Variants in DGKI observed in about 807,000 individuals in gnomAD.
DGKI encodes the protein DAG kinase iota.
A neutral mutation model predicts 147.5 loss-of-function variants in DGKI; 55 were observed. That is an observed-to-expected ratio of 0.37 (90% CI 0.30 to 0.47). DGKI has a LOEUF of 0.47. Among genes scored for constraint, DGKI ranks in the 20% least tolerant of loss-of-function variants. DGKI has a pLI of 1.00. For missense variants in DGKI, 1,007 were observed against 1,323.8 expected, an observed-to-expected ratio of 0.76 and a Z score of 3.71; for synonymous variants, 469 against 477.1, an observed-to-expected ratio of 0.98 and a Z score of 0.22.
At chr7:137,486,585 T>C (rs534447569) in intron 22 of DGKI, among the ~76,000 whole-genome samples, 2 of 152,232 alleles carry the variant, frequency 1.3e-5, no homozygotes, top group East Asian at 3.9e-4. Flanking sequence ...AGTGTAAAAT[T>C]TGTTGACCAT....
At chr7:137,663,397 A>C (rs1309115797) in intron 3 of DGKI, among the ~76,000 whole-genome samples, 1 of 152,240 alleles carries the variant, frequency 6.6e-6, no homozygotes, top group Non-Finnish European at 1.5e-5. Flanking sequence ...GAGAAAGCAA[A>C]TTCTTTAATT....
intron 21 of DGKI, among the ~76,000 whole-genome samples, chr7:137,500,923 TA>T (rs1816148255): frequency 1.3e-5 from 2 of 152,152 alleles, no homozygotes; most frequent in African/African-American, 4.8e-5. Flanking sequence ...AATAAATTAT[TA>T]TTAACTACTA....
chr7:137,387,082 C>T lies in DGKI; in HGVS notation c.*4138G>A, dbSNP rs1385477151. The T allele has an allele frequency of 6.6e-6, 1 of 152,122 alleles. No individual in the cohort carries two copies. The highest frequency in any genetic ancestry group is 6.6e-5 in the Admixed American group (1 of 15,252). The allele number at this position is 152,122 out of a possible 1,614,324, so 9.4% of individuals were successfully genotyped here. ...AAGACAAGCTGCTCAGACCCCCATA[C>T]TACACTGAAGTTACACCTTCCCGGA... On this transcript the variant is annotated 3_prime_UTR_variant, in exon 33 of 33. Coordinates refer to ENST00000614521, the MANE Select transcript of DGKI (RefSeq NM_001321708.2).
intron 1 of DGKI, among the ~76,000 whole-genome samples, chr7:137,826,072 T>C (rs1256998399): frequency 6.6e-6 from 1 of 152,224 alleles, no homozygotes; most frequent in South Asian, 2.1e-4. Context: ...AGTTTGTAGG[T>C]TGCATCTCCA....
At chr7:137,686,761 A>G (rs1361682156) in intron 2 of DGKI, among the ~76,000 whole-genome samples, 2 of 152,204 alleles carry the variant, frequency 1.3e-5, no homozygotes, top group Non-Finnish European at 2.9e-5. Context: ...GCTCACCTGT[A>G]TCTCAGGCAC....
rs371759238 is a variant in DGKI, at chr7:137,388,960, G to T, written c.*2260C>A. The T allele has an allele frequency of 6.6e-6, 1 of 152,122 alleles. No homozygotes were observed. Among genetic ancestry groups the T allele is most frequent in the Non-Finnish European group, 1.5e-5 (1 of 68,016 alleles). 9.4% of individuals were successfully genotyped at this position (152,122 alleles called of 1,614,324 possible). On this transcript the variant is annotated 3_prime_UTR_variant, in exon 33 of 33. Transcript: ENST00000614521. ...CCCTAAATTTTCTCTGGGCTACTTGGAAGTATTTAGAGAAATGTGAGATGG... is the reference window on the plus strand; with the variant it reads ...CCCTAAATTTTCTCTGGGCTACTTGTAAGTATTTAGAGAAATGTGAGATGG...
intron 1 of DGKI, among the ~76,000 whole-genome samples, chr7:137,816,732 GAGA>G (rs748824019): frequency 1.3e-5 from 2 of 152,218 alleles, no homozygotes; most frequent in African/African-American, 2.4e-5. Flanking sequence ...GAGAGTGACA[GAGA>G]AGGAGAGGCA....
chr7:137,539,193 G>A (rs1323172485), intron 20 of DGKI, among the ~76,000 whole-genome samples: 1 of 152,178 alleles, frequency 6.6e-6, no homozygotes, highest in East Asian at 1.9e-4. Flanking sequence ...GACGCCAAGA[G>A]AGTGGCAGAA....
At chr7:137,534,269 C>A (rs1295142279) in intron 20 of DGKI, among the ~76,000 whole-genome samples, 1 of 151,888 alleles carries the variant, frequency 6.6e-6, no homozygotes, top group Non-Finnish European at 1.5e-5. Flanking sequence ...TCTCTTTTTC[C>A]TTCCTGAATG....
intron 23 of DGKI, among the ~76,000 whole-genome samples, chr7:137,484,582 G>A (rs184298145): frequency 2.3e-4 from 35 of 152,056 alleles, no homozygotes; most frequent in Middle Eastern, 3.4e-3. Flanking sequence ...CCTTGCAGTC[G>A]GGAGTAATAC....
chr7:137,719,363 G>A (rs1480291970), intron 1 of DGKI, among the ~76,000 whole-genome samples: 7 of 151,900 alleles, frequency 4.6e-5, no homozygotes, highest in Non-Finnish European at 7.4e-5. Context: ...TAGCCTTGCC[G>A]CATTTGGTCA....
chr7:137,462,219 A>G (rs183315995), intron 27 of DGKI, among the ~76,000 whole-genome samples: 6 of 152,284 alleles, frequency 3.9e-5, no homozygotes, highest in Admixed American at 3.3e-4. Flanking sequence ...TAATTTTCCA[A>G]TAAGTCTGCC....
intron 28 of DGKI, among the ~76,000 whole-genome samples, chr7:137,436,529 C>T (rs1056343124): frequency 1.4e-4 from 21 of 152,086 alleles, no homozygotes; most frequent in African/African-American, 5.1e-4. Flanking sequence ...CTACCTTTTA[C>T]TCAATAGGCA....
chr7:137,546,053 C>A (rs1378554174), intron 20 of DGKI: 8 of 604,584 alleles, frequency 1.3e-5, no homozygotes, highest in South Asian at 2.0e-5. Flanking sequence ...GAGAGACACA[C>A]AAAATTTAAA....
Position 137,638,298 on chromosome 7 carries a change from T to C in DGKI, c.804+7174A>G, listed in dbSNP as rs1266463775. On this transcript the variant is annotated intron_variant, in intron 6 of 32. Coordinates refer to ENST00000614521, the MANE Select transcript of DGKI (RefSeq NM_001321708.2). ...CTTCGTCTCTTCTTTCCTCTCCATA[T>C]ACATTTTGTTCATGTTCCTCCTCCA... Among the ~76,000 whole-genome samples the C allele has an allele frequency of 3.3e-5, 5 of 151,646 alleles. No homozygotes were observed. The East Asian group carries it at 7.8e-4, about 24-fold the overall frequency.
At chr7:137,617,770 T>C (rs1373413404) in intron 8 of DGKI, among the ~76,000 whole-genome samples, 4 of 151,982 alleles carry the variant, frequency 2.6e-5, no homozygotes, top group Non-Finnish European at 4.4e-5. Flanking sequence ...GATGTTACCA[T>C]GAGAAGAAAT....
intron 6 of DGKI, among the ~76,000 whole-genome samples, chr7:137,643,195 G>A (rs1821702768): frequency 6.6e-6 from 1 of 150,892 alleles, no homozygotes; most frequent in Non-Finnish European, 1.5e-5. Context: ...GGAGGCTGAG[G>A]CAGGAGAATG....
chr7:137,415,178 G>A (rs184269136), intron 28 of DGKI, among the ~76,000 whole-genome samples: 36 of 152,246 alleles, frequency 2.4e-4, no homozygotes, highest in African/African-American at 8.2e-4. Context: ...GACAAGGAAG[G>A]AGAGGCTGGG....
chr7:137,706,052 A>T (rs1335142051), intron 1 of DGKI, among the ~76,000 whole-genome samples: 1 of 152,178 alleles, frequency 6.6e-6, no homozygotes, highest in African/African-American at 2.4e-5. Context: ...TGCTAATTTT[A>T]ATAGTGGAAT....
Sources: gnomAD v4.1 joint callset for allele counts (sites outside exome capture counted in the v4.1 genomes callset) on GRCh38, gnomAD v4.1.1 for gene constraint, MANE v1.5 for transcripts, NCBI Gene and HGNC (gene_info 2026-07-23, HGNC 2026-07-21) for gene names.